Variants in KLHL1 observed in about 807,000 individuals in gnomAD.
KLHL1 encodes the protein kelch like family member 1.
A neutral mutation model predicts 77.7 loss-of-function variants in KLHL1; 47 were observed. The observed-to-expected ratio is 0.60, with a 90% CI of 0.48 to 0.77. The LOEUF is 0.77. Ranked by LOEUF, KLHL1 falls within the 30% of genes least tolerant of loss-of-function variation. The probability of loss-of-function intolerance (pLI) is 0.00; values close to 1 mark genes in which losing one functional copy is unlikely to be tolerated. For synonymous variants in KLHL1, 360 were observed against 325.2 expected (o/e 1.11, Z -1.15); for missense variants, 925 against 910.8 (o/e 1.02, Z -0.20).
chr13:69,893,915 G>C (rs780649930), intron 4 of KLHL1, among the ~76,000 whole-genome samples: 2 of 152,098 alleles, frequency 1.3e-5, no homozygotes, highest in African/African-American at 4.8e-5. Flanking sequence ...AACAGACAAA[G>C]GCCGCCCAAT....
At chr13:69,996,200 G>T (rs1282406269) in intron 1 of KLHL1, among the ~76,000 whole-genome samples, 1 of 151,946 alleles carries the variant, frequency 6.6e-6, no homozygotes, top group Non-Finnish European at 1.5e-5. Context: ...CTACTCAGGA[G>T]GCTGAGGCAG....
chr13:69,882,315 C>A lies in KLHL1; in HGVS notation c.1195G>T (p.Ala399Ser), dbSNP rs1479913268. The A allele has an allele frequency of 6.2e-7, 1 of 1,613,732 alleles. No homozygotes were observed. Among genetic ancestry groups the A allele is most frequent in the Non-Finnish European group, 8.5e-7 (1 of 1,179,768 alleles). The change falls in exon 5 of 11, where the codon GCC becomes TCC. Residue 399 changes from alanine to serine, a missense_variant. Transcript: ENST00000377844. ...SRCNDLSMLLAFIRLPLLPPQ... is the reference protein window; with the variant it reads ...SRCNDLSMLLSFIRLPLLPPQ... ...GGAAGCAGTGGCAGTCTTATAAAGG[C>A]AAGAAGCATGCTCAGGTCATTGCAT... is the stretch of plus-strand genomic sequence containing the variant.
intron 3 of KLHL1, among the ~76,000 whole-genome samples, chr13:69,941,243 C>G (rs745846097): frequency 5.3e-5 from 8 of 151,988 alleles, no homozygotes; most frequent in Non-Finnish European, 8.8e-5. Context: ...AAAACTGTAT[C>G]AAGTATCCTC....
intron 1 of KLHL1, among the ~76,000 whole-genome samples, chr13:70,051,676 G>C (rs1886633480): frequency 6.6e-6 from 1 of 151,974 alleles, no homozygotes; most frequent in Non-Finnish European, 1.5e-5. Flanking sequence ...ACATGATAAA[G>C]CAGCTGCAGG....
At chr13:69,918,613 C>G (rs925711732) in intron 4 of KLHL1, among the ~76,000 whole-genome samples, 2 of 151,884 alleles carry the variant, frequency 1.3e-5, no homozygotes, top group African/African-American at 4.8e-5. Context: ...AATAACTGGA[C>G]ATGTTTCATC....
intron 5 of KLHL1, among the ~76,000 whole-genome samples, chr13:69,862,668 T>C (rs1484685757): frequency 1.3e-5 from 2 of 151,620 alleles, no homozygotes; most frequent in African/African-American, 4.9e-5. Context: ...AGAAAGAGCC[T>C]TTAAGGAGAC....
chr13:70,014,965 T>C (rs1885622737), intron 1 of KLHL1, among the ~76,000 whole-genome samples: 1 of 150,180 alleles, frequency 6.7e-6, no homozygotes, highest in South Asian at 2.1e-4. Context: ...TTATTAAAAA[T>C]TAAGCAAAAC....
intron 5 of KLHL1, among the ~76,000 whole-genome samples, chr13:69,859,273 T>TC (rs1170296056): frequency 6.9e-6 from 1 of 144,370 alleles, no homozygotes; most frequent in African/African-American, 2.7e-5. Context: ...TTTTTTTTTT[T>TC]CCTGTTCAGT....
At chr13:70,082,874 C>G (rs535539517) in intron 1 of KLHL1, among the ~76,000 whole-genome samples, 1 of 152,094 alleles carries the variant, frequency 6.6e-6, no homozygotes, top group Non-Finnish European at 1.5e-5. Context: ...AGCATAGAAA[C>G]AGAAAACAAA....
chr13:69,957,949 A>G (rs117437227), intron 3 of KLHL1, among the ~76,000 whole-genome samples: 1,802 of 151,934 alleles, frequency 0.012, 21 homozygotes, highest in Non-Finnish European at 0.015. Context: ...TGCTGTTACA[A>G]TGTGGGAAAA....
intron 7 of KLHL1, among the ~76,000 whole-genome samples, chr13:69,786,949 G>A (rs1876583143): frequency 6.6e-6 from 1 of 152,090 alleles, no homozygotes; most frequent in African/African-American, 2.4e-5. Flanking sequence ...AACTTACAAG[G>A]GATGTGAAGG....
chr13:69,857,988 T>C (rs1879987222), intron 5 of KLHL1, among the ~76,000 whole-genome samples: 3 of 152,080 alleles, frequency 2.0e-5, no homozygotes, highest in African/African-American at 7.2e-5. Context: ...CTATGTATTC[T>C]GAATTTAAAC....
chr13:69,849,980 T>G (rs1033682790), intron 5 of KLHL1, among the ~76,000 whole-genome samples: 2 of 151,590 alleles, frequency 1.3e-5, no homozygotes, highest in Non-Finnish European at 3.0e-5. Flanking sequence ...GAAACCTCTT[T>G]GCTAAACAAT....
At chr13:69,910,565 G>C (rs903021197) in intron 4 of KLHL1, among the ~76,000 whole-genome samples, 1 of 151,830 alleles carries the variant, frequency 6.6e-6, no homozygotes, top group Admixed American at 6.6e-5. Flanking sequence ...AAGCAGACAA[G>C]CTCAGATAAT....
At chr13:69,918,115 A>T (rs948312256) in intron 4 of KLHL1, among the ~76,000 whole-genome samples, 2 of 152,050 alleles carry the variant, frequency 1.3e-5, no homozygotes, top group Non-Finnish European at 2.9e-5. Flanking sequence ...TTATTTGTTT[A>T]TTTTTGATAA....
intron 1 of KLHL1, among the ~76,000 whole-genome samples, chr13:69,982,572 T>A (rs1319420969): frequency 1.3e-5 from 2 of 150,744 alleles, no homozygotes; most frequent in Non-Finnish European, 3.0e-5. Flanking sequence ...TAAGAAAGAA[T>A]CTACCAAACA....
intron 1 of KLHL1, among the ~76,000 whole-genome samples, chr13:70,000,637 A>G (rs1885265003): frequency 6.6e-6 from 1 of 151,848 alleles, no homozygotes; most frequent in South Asian, 2.1e-4. Context: ...GAAATTAAGA[A>G]TATATAGCTA....
rs150042655 is a variant in KLHL1 at position 70,029,456 on chromosome 13, C to A, written c.498-53654G>T. ...AGAGTGGGGGCCAATATTCAACATT[C>A]TTAAAGAAAAGAATTTTCAACCAAG... On this transcript the variant is annotated intron_variant, in intron 1 of 10. Transcript: ENST00000377844. Among the ~76,000 whole-genome samples, 1,511 of 152,232 alleles carry A rather than the reference C, an allele frequency of 9.9e-3. 10 individuals carry two copies. Among genetic ancestry groups the A allele is most frequent in the Non-Finnish European group, 0.014 (966 of 68,008 alleles).
At chr13:70,005,609 T>C (rs1333255465) in intron 1 of KLHL1, among the ~76,000 whole-genome samples, 2 of 151,956 alleles carry the variant, frequency 1.3e-5, no homozygotes, top group Non-Finnish European at 2.9e-5. Flanking sequence ...TGTTAATGTA[T>C]CTAGTATTAA....
Sources: allele counts gnomAD v4.1 joint callset (sites outside exome capture counted in the v4.1 genomes callset), GRCh38; gene constraint gnomAD v4.1.1; transcripts MANE v1.5; gene names NCBI Gene and HGNC (gene_info 2026-07-23, HGNC 2026-07-21).